DNMT3B: variants seen among roughly 807,000 people sequenced by gnomAD.
The protein encoded by DNMT3B is DNA (cytosine-5)-methyltransferase 3B.
DNMT3B carries 37 observed loss-of-function variants against 120.2 expected under a neutral mutation model. The observed-to-expected ratio is 0.31, with a 90% CI of 0.24 to 0.40. DNMT3B has a LOEUF of 0.40. Among genes scored for constraint, DNMT3B ranks in the 10% least tolerant of loss-of-function variants. The probability of loss-of-function intolerance (pLI) is 1.00; values close to 1 mark genes in which losing one functional copy is unlikely to be tolerated. For synonymous variants in DNMT3B, 412 were observed against 442.8 expected (o/e 0.93, Z 0.87); for missense variants, 878 against 1,137.3 (o/e 0.77, Z 3.28).
intron 5 of DNMT3B, 71 bp from the exon 6 acceptor site, chr20:32,787,158 TG>T (rs1239834856): frequency 2.5e-6 from 4 of 1,573,022 alleles, no homozygotes; most frequent in East Asian, 2.2e-5. Context: ...AGGAGCCATA[TG>T]GGGGTGCCGT....
chr20:32,779,808 G>C (rs898707803), intron 1 of DNMT3B: 6 of 546,268 alleles, frequency 1.1e-5, no homozygotes, highest in Non-Finnish European at 2.0e-5. Context: ...GCGGTTCTGT[G>C]GGGGAGGAGG....
chr20:32,790,229 A>T (rs1252722374), intron 7 of DNMT3B, among the ~76,000 whole-genome samples: 1 of 152,192 alleles, frequency 6.6e-6, no homozygotes, highest in Non-Finnish European at 1.5e-5. Context: ...CAGCAGAGGG[A>T]GGACAAGTCC....
intron 1 of DNMT3B, among the ~76,000 whole-genome samples, chr20:32,776,122 G>A (rs1344543324): frequency 1.3e-5 from 2 of 152,094 alleles, no homozygotes. Context: ...CCAGCTACTC[G>A]GGAGGCTGAG....
chr20:32,791,456 A>T, intron 7 of DNMT3B, 145 bp from the exon 8 acceptor site: 1 of 783,074 alleles, frequency 1.3e-6, no homozygotes, highest in Non-Finnish European at 2.2e-6. Context: ...TTCCTTTCAA[A>T]TAGATGTCTG....
chr20:32,769,875 C>T (rs1020103165), intron 1 of DNMT3B, among the ~76,000 whole-genome samples: 4 of 152,022 alleles, frequency 2.6e-5, no homozygotes, highest in Non-Finnish European at 4.4e-5. Context: ...TATAGCCCTT[C>T]GAGTCTGGGT....
intron 1 of DNMT3B, among the ~76,000 whole-genome samples, chr20:32,764,316 G>T (rs1370885041): frequency 6.6e-6 from 1 of 152,206 alleles, no homozygotes; most frequent in Non-Finnish European, 1.5e-5. Context: ...TTCCTCAGAT[G>T]TTTAGGCATA....
chr20:32,778,318 G>C (rs1032931292), intron 1 of DNMT3B, among the ~76,000 whole-genome samples: 1 of 151,578 alleles, frequency 6.6e-6, no homozygotes, highest in Non-Finnish European at 1.5e-5. Flanking sequence ...CCTGGCGGAG[G>C]TCGCACCACT....
chr20:32,798,780 G>A (rs1046387925), intron 15 of DNMT3B, 137 bp downstream of exon 15: 11 of 1,287,442 alleles, frequency 8.5e-6, no homozygotes, highest in Non-Finnish European at 1.2e-5. Flanking sequence ...GAGAGACCTG[G>A]CGAATTGCCA....
intron 1 of DNMT3B, among the ~76,000 whole-genome samples, chr20:32,773,049 C>A (rs1987838015): frequency 6.6e-6 from 1 of 151,918 alleles, no homozygotes; most frequent in African/African-American, 2.4e-5. Flanking sequence ...GAACTCCCGA[C>A]CTCATGTAAT....
Position 32,798,612 on chromosome 20 carries a change from CCTT to C in DNMT3B, c.1648_1650del (p.Phe550del), listed in dbSNP as rs1980942855. ...AAGGACTGGAACGTGCGCCTGCAGG[CCTT>C]CTTCACCAGTGACACGGGGCTTGAA... is the stretch of plus-strand genomic sequence containing the variant. On this transcript the variant is annotated inframe_deletion, in exon 15 of 23. Coordinates refer to ENST00000328111, the MANE Select transcript of DNMT3B (RefSeq NM_006892.4). 6.2e-7 allele frequency: 1 copy of C among 1,614,140 alleles called. No individual in the cohort carries two copies. The highest frequency in any genetic ancestry group is 8.5e-7 in the Non-Finnish European group (1 of 1,180,046).
chr20:32,765,937 T>G (rs1987339807), intron 1 of DNMT3B, among the ~76,000 whole-genome samples: 1 of 151,726 alleles, frequency 6.6e-6, no homozygotes, highest in Non-Finnish European at 1.5e-5. Flanking sequence ...TTTTGTATTT[T>G]TAGTAGAGAC....
intron 3 of DNMT3B, 141 bp from the exon 4 acceptor site, chr20:32,784,617 C>G: frequency 2.3e-6 from 2 of 859,868 alleles, no homozygotes; most frequent in Non-Finnish European, 3.8e-6. Context: ...GTGTCTGCAC[C>G]CATATGCAGT....
rs1208508674 is a variant in DNMT3B, at chr20:32,765,750, C to CTTTTT, written c.-7+3054_-7+3058dup. ...TTATTTATTTATTTATTTATTTTTT[C>CTTTTT]TTTTTTTCTTTTTTTTTTTTTTTGA... On this transcript the variant is annotated intron_variant, in intron 1 of 22. Coordinates refer to ENST00000328111, the MANE Select transcript of DNMT3B (RefSeq NM_006892.4). Among the ~76,000 whole-genome samples the CTTTTT allele has an allele frequency of 1.7e-4, 18 of 108,438 alleles. 1 individual carries two copies. The highest frequency in any genetic ancestry group is 2.5e-4 in the African/African-American group (5 of 20,028). The allele number at this position is 108,438 out of a possible 152,430, so 71.1% of individuals were successfully genotyped here. A position where few individuals can be genotyped will look rare whatever the true frequency, so the allele number is the denominator to read the frequency against.
Position 32,795,528 on chromosome 20 carries a change from A to G in DNMT3B, c.1246A>G (p.Ser416Gly), listed in dbSNP as rs766216373. 6.2e-7 allele frequency: 1 copy of G among 1,614,168 alleles called. No individual in the cohort carries two copies. Among genetic ancestry groups the G allele is most frequent in the Non-Finnish European group, 8.5e-7 (1 of 1,180,032 alleles). ...NGKDRGDEDQSREQMASDVAN... is the reference protein window; with the variant it reads ...NGKDRGDEDQGREQMASDVAN... ...CAAAGACCGAGGGGATGAAGATCAG[A>G]GCCGAGGTGATTGTTGGGTACCTGG... The change falls in exon 11 of 23, where the codon AGC (serine) becomes GGC (glycine). Residue 416 changes from serine (S) to glycine (G), a missense_variant. By Grantham distance (56) the Ser-to-Gly change is moderately conservative (BLOSUM62 0). This residue lies in a region of DNMT3B where 207 missense variants were observed against 222.6 expected (regional missense o/e 0.93). Transcript: ENST00000328111.
At position 32,784,835 on chromosome 20, in the gene DNMT3B, C is replaced by G. The variant is rs1377202386; in HGVS notation, c.282C>G (p.Thr94=). 18 of 1,613,958 alleles carry G rather than the reference C, an allele frequency of 1.1e-5. No homozygotes were observed. Among genetic ancestry groups the G allele is most frequent in the Non-Finnish European group, 1.4e-5 (17 of 1,180,010 alleles). The part of the protein sequence containing the change: ...TPVMPKLFRE[T]RTRSESPAVR... ...TCATGCCAAAGCTCTTCCGGGAAAC[C>G]AGGACTCGTTCAGAAAGCCCAGCTG... Residue 94 remains threonine (T), a synonymous_variant, in exon 4 of 23, where the codon ACC becomes ACG. Transcript: ENST00000328111.
rs757998715 is a variant in DNMT3B, at chr20:32,797,298, C to T, written c.1489C>T (p.Arg497Trp). ...LLLCSNTSCC[R>W]CFCVECLEVL... ...GCTTTGCAGCAACACGAGCTGCTGC[C>T]GGTGAGCACTGGGCCCTGTGGGGTG... The change falls in exon 14 of 23, where the codon CGG (arginine) becomes TGG (tryptophan). Residue 497 changes from arginine to tryptophan, a missense_variant and splice_region_variant. By Grantham distance (101) the Arg-to-Trp change is moderately radical (BLOSUM62 -3). Transcript: ENST00000328111. 3.7e-6 allele frequency: 6 copies of T among 1,613,874 alleles called. No homozygotes were observed. Among genetic ancestry groups the T allele is most frequent in the South Asian group, 1.1e-5 (1 of 91,086 alleles).
chr20:32,803,373 AGTGTGGACAGAG>A (rs1244600701), intron 20 of DNMT3B, among the ~76,000 whole-genome samples: 7 of 152,350 alleles, frequency 4.6e-5, no homozygotes, highest in African/African-American at 1.7e-4. Flanking sequence ...CACTTAGTGA[AGTGTGGACAGAG>A]GTGAGGGTCC....
rs1981485567 is a variant in DNMT3B, at chr20:32,802,595, C to T, written c.2231+125C>T. The T allele has an allele frequency of 6.0e-6, 6 of 1,006,364 alleles. No homozygotes were observed. The Admixed American group carries it at 9.1e-5, about 15-fold the overall frequency. The allele number at this position is 1,006,364 out of a possible 1,614,324, so 62.3% of individuals were successfully genotyped here. Reference sequence around the variant, plus strand: ...GAAATAGTTATACTTGGATTTCAGACCACCTGTGGTCGTGCGGGTTGATCT... The same window carrying T: ...GAAATAGTTATACTTGGATTTCAGATCACCTGTGGTCGTGCGGGTTGATCT... On this transcript the variant is annotated intron_variant, in intron 20 of 22. Transcript: ENST00000328111.
At chr20:32,798,268 G>A (rs1474285960) in intron 14 of DNMT3B, among the ~76,000 whole-genome samples, 192 bp from the exon 15 acceptor site, 3 of 152,210 alleles carry the variant, frequency 2.0e-5, no homozygotes, top group African/African-American at 4.8e-5. Flanking sequence ...GTGGGATTAA[G>A]GGGGTTGGGG....
Sources: gnomAD v4.1 joint callset for allele counts (sites outside exome capture counted in the v4.1 genomes callset) on GRCh38, gnomAD v4.1.1 for gene constraint, gnomAD v4.1.1 regional missense constraint, MANE v1.5 for transcripts, NCBI Gene and HGNC (gene_info 2026-07-23, HGNC 2026-07-21) for gene names.